Variants in MFSD6 observed in about 807,000 individuals in gnomAD.
MFSD6 encodes major facilitator superfamily domain containing 6.
Under a neutral mutation model 56.3 loss-of-function variants are expected in MFSD6, and 26 were observed. The ratio of observed to expected loss-of-function variants is 0.46; its 90% CI spans 0.34 to 0.64. MFSD6 has a LOEUF of 0.64. Ranked by LOEUF, MFSD6 falls within the 30% of genes least tolerant of loss-of-function variation. The pLI is 0.01. For missense variants in MFSD6, 750 were observed against 986.2 expected, an observed-to-expected ratio of 0.76 and a Z score of 3.21; for synonymous variants, 331 against 366.9, an observed-to-expected ratio of 0.90 and a Z score of 1.12.
At chr2:190,429,093 T>C (rs1222401770) in intron 2 of MFSD6, among the ~76,000 whole-genome samples, 1 of 152,192 alleles carries the variant, frequency 6.6e-6, no homozygotes, top group East Asian at 1.9e-4. Flanking sequence ...GCCATTTGTA[T>C]AGGCTCTTTT....
In MFSD6 at chr2:190,463,753, A is replaced by G. The variant is rs1409649655; in HGVS notation, c.1533-6005A>G. On this transcript the variant is annotated intron_variant, in intron 3 of 7. Coordinates refer to ENST00000392328, the MANE Select transcript of MFSD6 (RefSeq NM_017694.4). This position sits in a 1 kb window ranked among gnomAD's most constrained non-coding sequence, Gnocchi z 4.4. ...GAGGATCACCTGGGCTCTGGTGGTC[A>G]AGGCTGCATTGAGCTGTGATGACGC... The G allele has an allele frequency of 2.3e-6, 1 of 436,778 alleles. No individual in the cohort carries two copies. Among genetic ancestry groups the G allele is most frequent in the Non-Finnish European group, 3.0e-6 (1 of 328,486 alleles). The allele number at this position is 436,778 out of a possible 1,614,324, so 27.1% of individuals were successfully genotyped here. A position where few individuals can be genotyped will look rare whatever the true frequency, so the allele number is the denominator to read the frequency against.
intron 4 of MFSD6, among the ~76,000 whole-genome samples, chr2:190,480,086 C>T (rs1003449153): frequency 3.3e-5 from 5 of 152,290 alleles, no homozygotes; most frequent in African/African-American, 1.2e-4. Context: ...TTGCTTGACC[C>T]CAAAAGGTTG....
Position 190,499,104 on chromosome 2 carries a change from C to T in MFSD6, c.2173-911C>T, listed in dbSNP as rs1485175025. On this transcript the variant is annotated intron_variant, in intron 7 of 7. Transcript: ENST00000392328. The surrounding 1 kb of genome is among the most constrained non-coding windows in gnomAD (Gnocchi z 6.0). Reference sequence around the variant, plus strand: ...AGGAGGTTGCAGTGAGCCAAGGTCACGCCACTGCACTCCGGCCTAGGCGAC... The same window carrying T: ...AGGAGGTTGCAGTGAGCCAAGGTCATGCCACTGCACTCCGGCCTAGGCGAC... 2.6e-5 allele frequency among the ~76,000 whole-genome samples: 4 copies of T among 152,120 alleles called. No homozygotes were observed. The highest frequency in any genetic ancestry group is 9.7e-5 in the African/African-American group (4 of 41,416).
intron 4 of MFSD6, among the ~76,000 whole-genome samples, chr2:190,470,331 TG>T (rs1687846332): frequency 6.6e-6 from 1 of 152,156 alleles, no homozygotes. Flanking sequence ...TGTTTTTCCA[TG>T]AACTTTAAAA....
chr2:190,478,463 T>C (rs1688469929), intron 4 of MFSD6, among the ~76,000 whole-genome samples: 1 of 152,224 alleles, frequency 6.6e-6, no homozygotes, highest in Non-Finnish European at 1.5e-5. Flanking sequence ...AATAAAATCC[T>C]GCATCACAGA....
At chr2:190,475,825 C>T (rs1251394679) in intron 4 of MFSD6, among the ~76,000 whole-genome samples, 1 of 152,142 alleles carries the variant, frequency 6.6e-6, no homozygotes, top group Non-Finnish European at 1.5e-5. Flanking sequence ...TACAAGCCTA[C>T]AGTAACCAAA....
Position 190,492,028 on chromosome 2 carries a change from C to T in MFSD6, c.1891+2162C>T, listed in dbSNP as rs1000092279. The stretch of plus-strand genomic sequence containing the variant: ...AAATGCAAAATGTTCTGGAAAGTCT[C>T]AGCAACAGAATCGAAGAAGCAGAAG... On this transcript the variant is annotated intron_variant, in intron 6 of 7. Coordinates refer to ENST00000392328, the MANE Select transcript of MFSD6 (RefSeq NM_017694.4). The surrounding 1 kb of genome is among the most constrained non-coding windows in gnomAD (Gnocchi z 5.2). Among the ~76,000 whole-genome samples, 2 of 152,130 alleles carry T rather than the reference C, an allele frequency of 1.3e-5. No individual in the cohort carries two copies. The highest frequency in any genetic ancestry group is 2.9e-5 in the Non-Finnish European group (2 of 68,026).
chr2:190,474,364 T>TA (rs1688149948), intron 4 of MFSD6, among the ~76,000 whole-genome samples: 1 of 151,886 alleles, frequency 6.6e-6, no homozygotes, highest in African/African-American at 2.4e-5. Flanking sequence ...ATAGACGCAA[T>TA]AAAAAATGAT....
chr2:190,479,131 C>T (rs1354634795), intron 4 of MFSD6, among the ~76,000 whole-genome samples: 1 of 152,158 alleles, frequency 6.6e-6, no homozygotes, highest in Non-Finnish European at 1.5e-5. Flanking sequence ...TCCTCTTCCC[C>T]AGGCCTATAG....
chr2:190,479,234 C>T (rs564548733), intron 4 of MFSD6, among the ~76,000 whole-genome samples: 13 of 152,202 alleles, frequency 8.5e-5, no homozygotes, highest in Middle Eastern at 3.2e-3. Flanking sequence ...CATGATCTTT[C>T]TCATGTTCAG....
chr2:190,499,341 G>C lies in MFSD6; in HGVS notation c.2173-674G>C, dbSNP rs1332566607. ...AAAAAGTGATGGGTACTAATTTGGG[G>C]GAGAATCCATTTAAATTTTTTTTTA... is the stretch of plus-strand genomic sequence containing the variant. On this transcript the variant is annotated intron_variant, in intron 7 of 7. Transcript: ENST00000392328. This position sits in a 1 kb window ranked among gnomAD's most constrained non-coding sequence, Gnocchi z 6.0. Among the ~76,000 whole-genome samples, 1 of 152,038 alleles carries C rather than the reference G, an allele frequency of 6.6e-6. No homozygotes were observed. Among genetic ancestry groups the C allele is most frequent in the Non-Finnish European group, 1.5e-5 (1 of 68,004 alleles).
chr2:190,495,500 T>C lies in MFSD6; in HGVS notation c.1892-1939T>C, dbSNP rs1388996454. Among the ~76,000 whole-genome samples the C allele has an allele frequency of 6.6e-6, 1 of 152,064 alleles. No homozygotes were observed. Among genetic ancestry groups the C allele is most frequent in the Non-Finnish European group, 1.5e-5 (1 of 68,006 alleles). On this transcript the variant is annotated intron_variant, in intron 6 of 7. Coordinates refer to ENST00000392328, the MANE Select transcript of MFSD6 (RefSeq NM_017694.4). This position sits in a 1 kb window ranked among gnomAD's most constrained non-coding sequence, Gnocchi z 4.7. ...TTCACAGAACTAGAAAAAACAATCC[T>C]AAATTTCATATGGAGCCAAAAAAGA...
In MFSD6 at chr2:190,437,941, G is replaced by A. The variant is rs536566431; in HGVS notation, c.1532+380G>A. Among the ~76,000 whole-genome samples the A allele has an allele frequency of 3.9e-5, 6 of 152,278 alleles. No individual in the cohort carries two copies. Among genetic ancestry groups the A allele is most frequent in the Admixed American group, 2.6e-4 (4 of 15,306 alleles). Reference sequence around the variant, plus strand: ...TAGGCATTTATGAACCAGAGCTTAAGTAGATAAAGTGGACTTTTTTAAGCC... The same window carrying A: ...TAGGCATTTATGAACCAGAGCTTAAATAGATAAAGTGGACTTTTTTAAGCC... On this transcript the variant is annotated intron_variant, in intron 3 of 7. Transcript: ENST00000392328. The surrounding 1 kb of genome is among the most constrained non-coding windows in gnomAD (Gnocchi z 5.9).
chr2:190,474,587 CA>C (rs1230608088), intron 4 of MFSD6, among the ~76,000 whole-genome samples: 4 of 151,928 alleles, frequency 2.6e-5, no homozygotes, highest in Non-Finnish European at 5.9e-5. Context: ...GCTTACCAAC[CA>C]AAAAAAGTCC....
chr2:190,482,868 CTTTTTTTTTTTTTTTTTTTTTTT>C (rs199927176), intron 4 of MFSD6, among the ~76,000 whole-genome samples: 14 of 48,286 alleles, frequency 2.9e-4, no homozygotes, highest in Admixed American at 5.0e-4. Context: ...AGACTATCAT[CTTTTTTTTTTTTTTTTTTTTTTT>C]TTTTTTTTTT....
chr2:190,496,417 G>A lies in MFSD6; in HGVS notation c.1892-1022G>A, dbSNP rs1230896560. 6.6e-6 allele frequency among the ~76,000 whole-genome samples: 1 copy of A among 152,146 alleles called. No individual in the cohort carries two copies. The highest frequency in any genetic ancestry group is 2.4e-5 in the African/African-American group (1 of 41,438). ...AGCTGTACAAACACTATGGAAAACA[G>A]TGTGGAGATTTCTTAAGAACTAAAA... is the stretch of plus-strand genomic sequence containing the variant. On this transcript the variant is annotated intron_variant, in intron 6 of 7. Transcript: ENST00000392328. The surrounding 1 kb of genome is among the most constrained non-coding windows in gnomAD (Gnocchi z 4.7).
At chr2:190,493,497 CAATG>C (rs1460566171) in intron 6 of MFSD6, among the ~76,000 whole-genome samples, 3 of 152,236 alleles carry the variant, frequency 2.0e-5, no homozygotes, top group African/African-American at 7.2e-5. Flanking sequence ...AACAAAGAAA[CAATG>C]GATTTAAACT....
Position 190,500,390 on chromosome 2 carries a change from T to G in MFSD6, c.*172T>G, listed in dbSNP as rs879871382. 8.6e-6 allele frequency: 6 copies of G among 700,588 alleles called. No homozygotes were observed. Among genetic ancestry groups the G allele is most frequent in the African/African-American group, 5.4e-5 (3 of 55,718 alleles). 43.4% of individuals were successfully genotyped at this position (700,588 alleles called of 1,614,324 possible). On this transcript the variant is annotated 3_prime_UTR_variant, in exon 8 of 8. Transcript: ENST00000392328. The surrounding 1 kb of genome is among the most constrained non-coding windows in gnomAD (Gnocchi z 5.3). The stretch of plus-strand genomic sequence containing the variant: ...ACACACACAGGAGCTACAGTACATA[T>G]TGGCAGGAAAAGGTAAACTTTCGTA...
At chr2:190,440,930 T>G (rs886693230) in intron 3 of MFSD6, among the ~76,000 whole-genome samples, 1 of 152,114 alleles carries the variant, frequency 6.6e-6, no homozygotes, top group Non-Finnish European at 1.5e-5. Context: ...CCAGAACAGA[T>G]AGCAAGATGC....
Sources: allele counts gnomAD v4.1 joint callset (sites outside exome capture counted in the v4.1 genomes callset), GRCh38; gene constraint gnomAD v4.1.1; non-coding constraint Gnocchi (gnomAD v3.1); transcripts MANE v1.5; gene names NCBI Gene and HGNC (gene_info 2026-07-23, HGNC 2026-07-21).